PRPSAP1: variants seen among roughly 807,000 people sequenced by gnomAD.
PRPSAP1 encodes the protein phosphoribosyl pyrophosphate synthetase associated protein 1, also known as phosphoribosyl pyrophosphate synthase-associated protein 1.
Under a neutral mutation model 39.4 loss-of-function variants are expected in PRPSAP1, and 31 were observed. The ratio of observed to expected loss-of-function variants is 0.79; its 90% CI spans 0.59 to 1.06. PRPSAP1 has a LOEUF of 1.06. Ranked by LOEUF, PRPSAP1 falls within the 50% of genes least tolerant of loss-of-function variation. PRPSAP1 has a pLI of 0.00. For synonymous variants in PRPSAP1, 212 were observed against 192.6 expected (o/e 1.10, Z -0.83); for missense variants, 430 against 511.6 (o/e 0.84, Z 1.54).
chr17:76,348,138 A>G (rs912625918), intron 2 of PRPSAP1, among the ~76,000 whole-genome samples: 6 of 150,852 alleles, frequency 4.0e-5, no homozygotes, highest in Non-Finnish European at 8.8e-5. Context: ...CCTGGCCAAC[A>G]TAGTGAGACC....
chr17:76,330,465 C>A, intron 5 of PRPSAP1, 86 bp downstream of exon 5: 1 of 995,154 alleles, frequency 1.0e-6, no homozygotes, highest in Non-Finnish European at 1.5e-6. Flanking sequence ...ATTTGATGTG[C>A]CTTCCAGTAA....
rs111499859 is a variant in PRPSAP1, at chr17:76,321,322, C to T, written c.781+7395G>A. ...ATGTAATCCCAGCACTTTGGGAGGC[C>T]GAGGCAGGTGGATCATGAGGTCAGG... On this transcript the variant is annotated intron_variant, in intron 7 of 9. Transcript: ENST00000446526. Among the ~76,000 whole-genome samples, 1,147 of 151,806 alleles carry T rather than the reference C, an allele frequency of 7.6e-3. 22 individuals are homozygous for T. The highest frequency in any genetic ancestry group is 0.026 in the African/African-American group (1,075 of 41,352).
intron 3 of PRPSAP1, among the ~76,000 whole-genome samples, chr17:76,335,542 G>C (rs2071368765): frequency 1.3e-5 from 2 of 151,956 alleles, no homozygotes; most frequent in Non-Finnish European, 2.9e-5. Context: ...TTTTAGTAGA[G>C]ATGGGGTTTC....
At chr17:76,324,579 C>T (rs758362887) in intron 7 of PRPSAP1, among the ~76,000 whole-genome samples, 1 of 147,996 alleles carries the variant, frequency 6.8e-6, no homozygotes, top group Admixed American at 6.8e-5. Flanking sequence ...CCAGCCTGGG[C>T]AACAAGAGCG....
intron 3 of PRPSAP1, among the ~76,000 whole-genome samples, chr17:76,340,114 C>A (rs909068415): frequency 2.0e-5 from 3 of 148,294 alleles, no homozygotes; most frequent in Non-Finnish European, 4.4e-5. Context: ...CCACTGCACT[C>A]CAGCCTGTGT....
At chr17:76,328,926 A>T in intron 6 of PRPSAP1, 64 bp from the exon 7 acceptor site, 1 of 1,503,026 alleles carries the variant, frequency 6.7e-7, no homozygotes, top group Non-Finnish European at 9.0e-7. Flanking sequence ...CTACGGCATC[A>T]TTTTTTAACC....
intron 3 of PRPSAP1, among the ~76,000 whole-genome samples, chr17:76,335,208 C>T (rs1373720214): frequency 1.3e-5 from 2 of 152,140 alleles, no homozygotes; most frequent in Non-Finnish European, 2.9e-5. Context: ...CTCAGCCTCC[C>T]AAAGTGCTGG....
intron 7 of PRPSAP1, 174 bp from the exon 8 acceptor site, chr17:76,314,065 G>T: frequency 1.6e-6 from 1 of 638,428 alleles, no homozygotes; most frequent in Non-Finnish European, 2.7e-6. Flanking sequence ...AGCAGCATTG[G>T]CCAAAAGAAA....
chr17:76,339,486 C>G (rs375563924), intron 3 of PRPSAP1, among the ~76,000 whole-genome samples: 1 of 151,864 alleles, frequency 6.6e-6, no homozygotes, highest in Non-Finnish European at 1.5e-5. Flanking sequence ...CAAAACAACA[C>G]ATCCAACCTG....
chr17:76,342,153 C>A (rs2071446660), intron 3 of PRPSAP1, among the ~76,000 whole-genome samples: 1 of 152,084 alleles, frequency 6.6e-6, no homozygotes, highest in Non-Finnish European at 1.5e-5. Flanking sequence ...GAAACACCGA[C>A]AATATGATGT....
In PRPSAP1 at chr17:76,314,234, T is replaced by A; in HGVS notation, c.782-343A>T. 107 of 234,632 alleles carry A rather than the reference T, an allele frequency of 4.6e-4. 1 individual carries two copies. The highest frequency in any genetic ancestry group is 1.6e-3 in the Middle Eastern group (1 of 618). 14.5% of individuals were successfully genotyped at this position (234,632 alleles called of 1,614,324 possible). On this transcript the variant is annotated intron_variant, in intron 7 of 9. Coordinates refer to ENST00000446526, the MANE Select transcript of PRPSAP1 (RefSeq NM_002766.3). ...TATGTATGTATGTATGTATGTATTT[T>A]TTGAGACGGAGTTTTGCTCTTGTTG...
intron 7 of PRPSAP1, among the ~76,000 whole-genome samples, chr17:76,323,588 G>A (rs2071221289): frequency 6.6e-6 from 1 of 152,174 alleles, no homozygotes; most frequent in African/African-American, 2.4e-5. Context: ...AACTGCAGAT[G>A]TGGTGGAAAG....
intron 7 of PRPSAP1, among the ~76,000 whole-genome samples, chr17:76,322,061 C>G (rs1234033354): frequency 6.6e-6 from 1 of 152,178 alleles, no homozygotes; most frequent in Non-Finnish European, 1.5e-5. Flanking sequence ...CAATAAGTTA[C>G]TCCGAAGATC....
At chr17:76,350,874 A>G (rs1421074108) in intron 1 of PRPSAP1, among the ~76,000 whole-genome samples, 2 of 152,090 alleles carry the variant, frequency 1.3e-5, no homozygotes, top group East Asian at 1.9e-4. Flanking sequence ...CTCTACTAAA[A>G]ACACAAAATT....
intron 7 of PRPSAP1, among the ~76,000 whole-genome samples, chr17:76,324,677 G>C (rs1378385777): frequency 6.6e-6 from 1 of 152,016 alleles, no homozygotes; most frequent in African/African-American, 2.4e-5. Flanking sequence ...CAATCAACGA[G>C]GCAAACTTCG....
intron 3 of PRPSAP1, among the ~76,000 whole-genome samples, chr17:76,340,277 C>G (rs868296657): frequency 3.3e-5 from 5 of 151,828 alleles, no homozygotes; most frequent in South Asian, 2.1e-4. Context: ...TGAGCCACCA[C>G]ACCTGACCAT....
chr17:76,341,088 G>A (rs1308275311), intron 3 of PRPSAP1, among the ~76,000 whole-genome samples: 2 of 152,056 alleles, frequency 1.3e-5, no homozygotes, highest in East Asian at 3.8e-4. Context: ...AAACAAAGAT[G>A]CCAAGAGCAC....
chr17:76,353,281 G>A, intron 1 of PRPSAP1: 1 of 475,648 alleles, frequency 2.1e-6, no homozygotes, highest in East Asian at 3.8e-5. Context: ...GGAGACGAAA[G>A]GCAGGCAGGC....
At chr17:76,333,876 T>TTCATTCA (rs748323465) in intron 3 of PRPSAP1, among the ~76,000 whole-genome samples, 7 of 128,260 alleles carry the variant, frequency 5.5e-5, no homozygotes, top group African/African-American at 7.6e-5. Context: ...TCATTCATTC[T>TTCATTCA]TTCTTTCACT....
Sources: gnomAD v4.1 joint callset for allele counts (sites outside exome capture counted in the v4.1 genomes callset) on GRCh38, gnomAD v4.1.1 for gene constraint, MANE v1.5 for transcripts, NCBI Gene and HGNC (gene_info 2026-07-23, HGNC 2026-07-21) for gene names.